Variants in RNF213 observed in about 807,000 individuals in gnomAD.
RNF213 encodes the protein ring finger protein 213, also known as E3 ubiquitin-protein ligase RNF213.
Under a neutral mutation model 514.4 loss-of-function variants are expected in RNF213, and 341 were observed. The ratio of observed to expected loss-of-function variants is 0.66; its 90% CI spans 0.61 to 0.73. The LOEUF (loss-of-function observed/expected upper bound fraction) is 0.73. RNF213 is among the 30% of genes least tolerant of loss of function. The pLI is 0.00. For missense variants in RNF213, 5,767 were observed against 6,615.6 expected (o/e 0.87, Z 4.45); for synonymous variants, 2,655 against 2,658.2 (o/e 1.00, Z 0.04).
chr17:80,322,410 A>T (rs2046170945), intron 17 of RNF213, among the ~76,000 whole-genome samples: 1 of 151,932 alleles, frequency 6.6e-6, no homozygotes, highest in Non-Finnish European at 1.5e-5. Flanking sequence ...CCCTGTCTCT[A>T]CTAAAAATAC....
chr17:80,346,881 C>T lies in RNF213; in HGVS notation c.8546C>T (p.Ala2849Val), dbSNP rs771738412. ...SVVVLDEVGL[A>V]EDSPKMPLKT... ...GTGGTGTTAGATGAGGTGGGGCTGG[C>T]GGAAGACTCACCCAAAATGCCCCTG... The change falls in exon 29 of 68, where the codon GCG becomes GTG. Residue 2849 changes from alanine (A) to valine (V), a missense_variant. Transcript: ENST00000582970. The surrounding 1 kb of genome is among the most constrained non-coding windows in gnomAD (Gnocchi z 8.1). 8 of 1,613,860 alleles carry T rather than the reference C, an allele frequency of 5.0e-6. No individual in the cohort carries two copies. Among genetic ancestry groups the T allele is most frequent in the Non-Finnish European group, 5.9e-6 (7 of 1,179,890 alleles).
At chr17:80,292,760 G>A (rs1000914384) in intron 8 of RNF213, among the ~76,000 whole-genome samples, 3 of 151,708 alleles carry the variant, frequency 2.0e-5, no homozygotes, top group African/African-American at 4.9e-5. Context: ...TCCCAGTGCC[G>A]CCTCCTCACC....
At chr17:80,303,572 T>TC (rs1307012466) in intron 11 of RNF213, among the ~76,000 whole-genome samples, 1 of 149,132 alleles carries the variant, frequency 6.7e-6, no homozygotes, top group Non-Finnish European at 1.5e-5. Context: ...CTTTTCTTTT[T>TC]TTTTTTTTTT....
rs1470560183 is a variant in RNF213, at chr17:80,393,465, T to C, written c.15591T>C (p.Ala5197=). The C allele has an allele frequency of 6.8e-6, 11 of 1,614,124 alleles. No homozygotes were observed. The highest frequency in any genetic ancestry group is 3.3e-4 in the Middle Eastern group (2 of 6,084). ...LASCVSVWKT[A]AVLKWNREMR is the part of the protein sequence containing the mutation. ...GCTGTGTCTCAGTGTGGAAAACAGCTGCTGTGCTGAAATGGAATCGAGAAA... is the reference window on the plus strand; with the variant it reads ...GCTGTGTCTCAGTGTGGAAAACAGCCGCTGTGCTGAAATGGAATCGAGAAA... The change falls in exon 68 of 68, where the codon GCT becomes GCC. Residue 5197 remains alanine (A), a synonymous_variant. Coordinates refer to ENST00000582970, the MANE Select transcript of RNF213 (RefSeq NM_001256071.3).
chr17:80,352,623 CTG>C (rs1221396245), intron 32 of RNF213: 25 of 593,744 alleles, frequency 4.2e-5, no homozygotes, highest in Non-Finnish European at 6.6e-5. Flanking sequence ...CCCTCACTAA[CTG>C]TGATACAGCA....
At position 80,264,343 on chromosome 17, in the gene RNF213, A is replaced by G. The variant is rs2043534863; in HGVS notation, c.97+565A>G. 1.3e-5 allele frequency among the ~76,000 whole-genome samples: 2 copies of G among 152,098 alleles called. No homozygotes were observed. ...CGTGAGGGGGCCCCAGGACCTGTCC[A>G]GGCACCTCCCTGGCTCGGGAGGCCA... On this transcript the variant is annotated intron_variant, in intron 2 of 67. Transcript: ENST00000582970. The surrounding 1 kb of genome is among the most constrained non-coding windows in gnomAD (Gnocchi z 5.0).
intron 3 of RNF213, among the ~76,000 whole-genome samples, chr17:80,285,233 A>G (rs542271359): frequency 2.0e-5 from 3 of 152,236 alleles, no homozygotes; most frequent in Admixed American, 6.5e-5. Flanking sequence ...TGCTGTCTCC[A>G]CTTTAAAGAT....
Position 80,387,461 on chromosome 17 carries a change from C to A in RNF213, c.14922+570C>A, listed in dbSNP as rs144489370. 6.3e-3 allele frequency among the ~76,000 whole-genome samples: 954 copies of A among 152,324 alleles called. 2 individuals are homozygous for A. The highest frequency in any genetic ancestry group is 0.027 in the Middle Eastern group (8 of 294). The stretch of plus-strand genomic sequence containing the variant: ...TGGCACCACCACCCCCACAGCCCCT[C>A]TTCCTTCAGCCTCCATGGGTAACCT... On this transcript the variant is annotated intron_variant, in intron 63 of 67. Coordinates refer to ENST00000582970, the MANE Select transcript of RNF213 (RefSeq NM_001256071.3).
At chr17:80,384,449 A>G (rs2080151892) in intron 59 of RNF213, among the ~76,000 whole-genome samples, 1 of 152,140 alleles carries the variant, frequency 6.6e-6, no homozygotes, top group African/African-American at 2.4e-5. Flanking sequence ...ACCCATTTGC[A>G]CTTTCATTTT....
In RNF213 at chr17:80,343,436, C is replaced by A; in HGVS notation, c.6183+111C>A. ...ATTCCTTGTTTCCACACGCACAGTC[C>A]TGTGAAGCTTAACAGTGGGAATGTG... is the stretch of plus-strand genomic sequence containing the variant. On this transcript the variant is annotated intron_variant, in intron 27 of 67. Transcript: ENST00000582970. The surrounding 1 kb of genome is among the most constrained non-coding windows in gnomAD (Gnocchi z 4.3). 1.0e-6 allele frequency: 1 copy of A among 975,554 alleles called. No homozygotes were observed. Among genetic ancestry groups the A allele is most frequent in the Non-Finnish European group, 1.6e-6 (1 of 629,684 alleles). The allele number at this position is 975,554 out of a possible 1,614,324, so 60.4% of individuals were successfully genotyped here. A position where few individuals can be genotyped will look rare whatever the true frequency, so the allele number is the denominator to read the frequency against.
Position 80,294,882 on chromosome 17 carries a change from A to G in RNF213, c.1634A>G (p.Asp545Gly). The change falls in exon 9 of 68, where the codon GAC becomes GGC. Residue 545 changes from aspartate to glycine, a missense_variant. This residue lies in a region of RNF213 where 592 missense variants were observed against 673.9 expected (regional missense o/e 0.88). Transcript: ENST00000582970. ...ACCTTCAGCATCCTGCAGACCTGGGACACCATCAACCTGAACAGCTTCTTC... is the reference window on the plus strand; with the variant it reads ...ACCTTCAGCATCCTGCAGACCTGGGGCACCATCAACCTGAACAGCTTCTTC... ...DSTFSILQTW[D>G]TINLNSFFTQ... The G allele has an allele frequency of 3.7e-6, 6 of 1,614,200 alleles. No individual in the cohort carries two copies. Among genetic ancestry groups the G allele is most frequent in the Non-Finnish European group, 5.1e-6 (6 of 1,180,042 alleles).
At position 80,386,208 on chromosome 17, in the gene RNF213, T is replaced by C. The variant is rs781519344; in HGVS notation, c.14540-42T>C. Reference sequence around the variant, plus strand: ...CCCCACGCCTAGATTCTGTGAGGAGTTGGAACTCCTCTCTGCTTAAGCATA... The same window carrying C: ...CCCCACGCCTAGATTCTGTGAGGAGCTGGAACTCCTCTCTGCTTAAGCATA... On this transcript the variant is annotated intron_variant, in intron 61 of 67. Transcript: ENST00000582970. 8.2e-6 allele frequency: 13 copies of C among 1,587,298 alleles called. 1 individual carries two copies. In the East Asian group the frequency reaches 2.0e-4, roughly 25 times the overall value.
At chr17:80,368,444 T>C (rs1317486673) in intron 44 of RNF213, among the ~76,000 whole-genome samples, 2 of 151,560 alleles carry the variant, frequency 1.3e-5, no homozygotes, top group Non-Finnish European at 2.9e-5. Context: ...TTTTTTTTTT[T>C]TTTTTTGAGA....
chr17:80,363,746 G>T lies in RNF213; in HGVS notation c.11706G>T (p.Met3902Ile). The T allele has an allele frequency of 6.2e-7, 1 of 1,613,856 alleles. No individual in the cohort carries two copies. Among genetic ancestry groups the T allele is most frequent in the Non-Finnish European group, 8.5e-7 (1 of 1,180,026 alleles). ...PLELICSDEH[M>I]QGSGSLAQAV... Reference sequence around the variant, plus strand: ...AGCTCATCTGCTCCGATGAGCACATGCAAGGCAGCGGGAGCCTGGCCCAGG... The same window carrying T: ...AGCTCATCTGCTCCGATGAGCACATTCAAGGCAGCGGGAGCCTGGCCCAGG... The change falls in exon 41 of 68, where the codon ATG becomes ATT. Residue 3902 changes from methionine to isoleucine, a missense_variant. By Grantham distance (10) the Met-to-Ile change is conservative. Coordinates refer to ENST00000582970, the MANE Select transcript of RNF213 (RefSeq NM_001256071.3).
At chr17:80,385,474 G>T in intron 60 of RNF213, 64 bp from the exon 61 acceptor site, 1 of 1,367,612 alleles carries the variant, frequency 7.3e-7, no homozygotes, top group East Asian at 2.3e-5. Flanking sequence ...CATGTAACTA[G>T]GGTGGTTTGG....
In RNF213 at chr17:80,353,625, G is replaced by A. The variant is rs1354449910; in HGVS notation, c.10537G>A (p.Glu3513Lys). The A allele has an allele frequency of 1.2e-6, 2 of 1,614,214 alleles. No individual in the cohort carries two copies. Among genetic ancestry groups the A allele is most frequent in the Admixed American group, 1.7e-5 (1 of 60,026 alleles). ...AEEAMETESS[E>K]KVGKETSELG... ...GGAGGCCATGGAAACAGAAAGTTCT[G>A]AGAAGGTGGGAAAGGAAACCTCTGA... Residue 3513 changes from glutamate (E) to lysine (K), a missense_variant, in exon 34 of 68, where the codon GAG (glutamate) becomes AAG (lysine). Glu to Lys is a moderately conservative substitution (Grantham distance 56). Around this residue, in one of 13 missense-constraint regions of RNF213, gnomAD observed 919 missense variants for 1,121.0 expected, o/e 0.82. Coordinates refer to ENST00000582970, the MANE Select transcript of RNF213 (RefSeq NM_001256071.3). This position sits in a 1 kb window ranked among gnomAD's most constrained non-coding sequence, Gnocchi z 5.0.
Position 80,346,388 on chromosome 17 carries a change from T to C in RNF213, c.8053T>C (p.Leu2685=), listed in dbSNP as rs777762208. 6.2e-6 allele frequency: 10 copies of C among 1,613,150 alleles called. No homozygotes were observed. In the South Asian group the frequency reaches 8.8e-5, roughly 14 times the overall value. The part of the protein sequence containing the change: ...HTERDPVLWS[L]MLAIGVCYHA... ...CGAGAGAGATCCCGTCCTCTGGTCG[T>C]TGATGCTGGCCATCGGGGTGTGTTA... is the stretch of plus-strand genomic sequence containing the variant. Residue 2685 remains leucine, a synonymous_variant, in exon 29 of 68, where the codon TTG becomes CTG. Transcript: ENST00000582970. The surrounding 1 kb of genome is among the most constrained non-coding windows in gnomAD (Gnocchi z 8.1).
At chr17:80,378,795 C>T (rs142011336) in intron 54 of RNF213, among the ~76,000 whole-genome samples, 4 of 152,106 alleles carry the variant, frequency 2.6e-5, no homozygotes, top group East Asian at 3.9e-4. Flanking sequence ...TGTTATCAGC[C>T]GTGACTCTCA....
At chr17:80,351,943 C>A in intron 32 of RNF213, 140 bp downstream of exon 32, 1 of 566,692 alleles carries the variant, frequency 1.8e-6, no homozygotes, top group South Asian at 2.0e-5. Context: ...CAACCTCAAT[C>A]TCCTGGGTTC....
Sources: allele counts gnomAD v4.1 joint callset (sites outside exome capture counted in the v4.1 genomes callset), GRCh38; gene constraint gnomAD v4.1.1; regional missense constraint gnomAD v4.1.1; non-coding constraint Gnocchi (gnomAD v3.1); transcripts MANE v1.5; gene names NCBI Gene and HGNC (gene_info 2026-07-23, HGNC 2026-07-21).